Variants in COMMD1 observed in about 807,000 individuals in gnomAD.
COMMD1 encodes COMM domain-containing protein 1.
A neutral mutation model predicts 17.2 loss-of-function variants in COMMD1; 10 were observed. The ratio of observed to expected loss-of-function variants is 0.58; its 90% confidence interval spans 0.36 to 0.99. COMMD1 has a LOEUF of 0.99. COMMD1 is among the 50% of genes least tolerant of loss of function. COMMD1 has a pLI of 0.01. For missense variants in COMMD1, 270 were observed against 231.8 expected (o/e 1.17, Z -1.07); for synonymous variants, 97 against 91.6 (o/e 1.06, Z -0.34).
At chr2:62,083,085 C>T (rs1671569960) in intron 2 of COMMD1, among the ~76,000 whole-genome samples, 1 of 152,086 alleles carries the variant, frequency 6.6e-6, no homozygotes, top group South Asian at 2.1e-4. Flanking sequence ...ATACTGAGAC[C>T]CCATCTCTAC....
chr2:61,935,683 G>T (rs1670590101), intron 1 of COMMD1, among the ~76,000 whole-genome samples: 1 of 151,870 alleles, frequency 6.6e-6, no homozygotes, highest in African/African-American at 2.4e-5. Context: ...TTTTCACTTA[G>T]TGCCGTGGTT....
intron 1 of COMMD1, among the ~76,000 whole-genome samples, chr2:61,923,042 TCTAG>T (rs1196191589): frequency 6.6e-6 from 1 of 152,230 alleles, no homozygotes; most frequent in Non-Finnish European, 1.5e-5. Context: ...TTTCAAGATA[TCTAG>T]CCTCAAGAGA....
intron 1 of COMMD1, among the ~76,000 whole-genome samples, chr2:61,977,504 A>G (rs1330400008): frequency 6.6e-6 from 1 of 150,990 alleles, no homozygotes; most frequent in Non-Finnish European, 1.5e-5. Flanking sequence ...TCGGCCTCCC[A>G]AAGTGCTGGG....
intron 2 of COMMD1, among the ~76,000 whole-genome samples, chr2:62,090,081 G>A (rs961991573): frequency 2.7e-5 from 4 of 150,752 alleles, no homozygotes; most frequent in Non-Finnish European, 5.9e-5. Flanking sequence ...GTCAGGCCTA[G>A]GGTTTAGTCT....
intron 2 of COMMD1, among the ~76,000 whole-genome samples, chr2:62,014,542 C>CTTTTTTTTTTTTTTTTTTTTTTTTTTT (rs67886279): frequency 6.3e-5 from 4 of 63,566 alleles, no homozygotes; most frequent in African/African-American, 2.1e-4. Context: ...CCATTTTAAC[C>CTTTTTTTTTTTTTTTTTTTTTTTTTTT]TTTTTTTTTT....
At chr2:62,093,540 AG>A (rs1358678346) in intron 2 of COMMD1, among the ~76,000 whole-genome samples, 1 of 152,114 alleles carries the variant, frequency 6.6e-6, no homozygotes, top group Non-Finnish European at 1.5e-5. Flanking sequence ...GTTTCTCTTG[AG>A]GGGTAGATGC....
At chr2:62,070,144 TA>T (rs1461714550) in intron 2 of COMMD1, 7 of 152,342 alleles carry the variant, frequency 4.6e-5, no homozygotes, top group African/African-American at 1.4e-4. Flanking sequence ...CTTCAGGCTC[TA>T]TAATTAGAAC....
chr2:61,994,733 A>C (rs1382492110), intron 1 of COMMD1, among the ~76,000 whole-genome samples: 1 of 152,046 alleles, frequency 6.6e-6, no homozygotes. Flanking sequence ...ATCCACTCTC[A>C]CTTCATTCTA....
intron 1 of COMMD1, among the ~76,000 whole-genome samples, chr2:61,896,696 A>T (rs1274317282): frequency 6.6e-6 from 1 of 152,058 alleles, no homozygotes; most frequent in Non-Finnish European, 1.5e-5. Flanking sequence ...CTTATTGATT[A>T]TTTTGAGTTA....
intron 1 of COMMD1, among the ~76,000 whole-genome samples, chr2:61,929,659 C>T (rs1229262399): frequency 2.0e-5 from 3 of 152,210 alleles, no homozygotes; most frequent in Non-Finnish European, 4.4e-5. Context: ...AGGCCAGGTG[C>T]ACTGGCTCAC....
chr2:61,947,515 C>A (rs1003283986), intron 1 of COMMD1, among the ~76,000 whole-genome samples: 2 of 151,884 alleles, frequency 1.3e-5, no homozygotes, highest in Non-Finnish European at 2.9e-5. Flanking sequence ...GAAACCCTGT[C>A]TCTACTAAAA....
At chr2:62,085,500 A>G (rs1364867667) in intron 2 of COMMD1, among the ~76,000 whole-genome samples, 1 of 150,750 alleles carries the variant, frequency 6.6e-6, no homozygotes, top group Non-Finnish European at 1.5e-5. Context: ...TACAGGCGTG[A>G]GCCACCATGC....
chr2:62,106,174 A>G (rs1253372839), intron 2 of COMMD1, among the ~76,000 whole-genome samples: 2 of 152,132 alleles, frequency 1.3e-5, no homozygotes, highest in South Asian at 4.1e-4. Context: ...AAAATGAACA[A>G]TTTTCACTTG....
At chr2:62,009,382 A>T (rs1669216872) in intron 2 of COMMD1, among the ~76,000 whole-genome samples, 1 of 152,202 alleles carries the variant, frequency 6.6e-6, no homozygotes, top group Admixed American at 6.5e-5. Context: ...AGGCGGGCGG[A>T]TCACCTGAGG....
chr2:61,992,450 T>A (rs1009020803), intron 1 of COMMD1, among the ~76,000 whole-genome samples: 2 of 152,222 alleles, frequency 1.3e-5, no homozygotes, highest in African/African-American at 4.8e-5. Flanking sequence ...GGTCTTTTTG[T>A]CCTGTGGGAT....
At chr2:61,928,921 T>C (rs1670394681) in intron 1 of COMMD1, among the ~76,000 whole-genome samples, 2 of 152,180 alleles carry the variant, frequency 1.3e-5, no homozygotes, top group Non-Finnish European at 2.9e-5. Context: ...TACTCAGGAA[T>C]AGAAATAAGG....
At chr2:61,902,623 A>G (rs1669681493), upstream of COMMD1, among the ~76,000 whole-genome samples, 1 of 152,244 alleles carries the variant, frequency 6.6e-6, no homozygotes, top group Non-Finnish European at 1.5e-5. Context: ...TTTACTCTCA[A>G]AATTTAAGAA....
At chr2:62,001,784 A>T (rs973972122) in intron 2 of COMMD1, among the ~76,000 whole-genome samples, 1 of 152,208 alleles carries the variant, frequency 6.6e-6, no homozygotes, top group Admixed American at 6.5e-5. Flanking sequence ...ATTTTCTTAC[A>T]TATTTTCTTT....
chr2:62,135,252 A>G (rs181247888), intron 2 of COMMD1, among the ~76,000 whole-genome samples: 33 of 152,332 alleles, frequency 2.2e-4, no homozygotes, highest in Non-Finnish European at 4.0e-4. Context: ...AGAGGATCCA[A>G]TGAGATGACA....
Sources: gnomAD v4.1 joint callset for allele counts (sites outside exome capture counted in the v4.1 genomes callset) on GRCh38, gnomAD v4.1.1 for gene constraint, MANE v1.5 for transcripts, NCBI Gene and HGNC (gene_info 2026-07-23, HGNC 2026-07-21) for gene names.